GABRG3: variants seen among roughly 807,000 people sequenced by gnomAD.
GABRG3 encodes gamma-aminobutyric acid type A receptor subunit gamma3.
Under a neutral mutation model 48.8 loss-of-function variants are expected in GABRG3, and 25 were observed. That is an observed-to-expected ratio of 0.51 (90% CI 0.37 to 0.72). The LOEUF (loss-of-function observed/expected upper bound fraction) is 0.72. Ranked by LOEUF, GABRG3 falls within the 30% of genes least tolerant of loss-of-function variation. GABRG3 has a pLI of 0.00. For missense variants in GABRG3, 394 were observed against 577.9 expected (o/e 0.68, Z 3.26); for synonymous variants, 227 against 217.6 (o/e 1.04, Z -0.38).
At chr15:27,342,293 GAATT>G in intron 5 of GABRG3, among the ~76,000 whole-genome samples, 1 of 152,360 alleles carries the variant, frequency 6.6e-6, no homozygotes, top group Middle Eastern at 3.4e-3. Context: ...CTTAGGGAAA[GAATT>G]CAAATGCTGG....
At chr15:27,072,818 C>T (rs946325477) in intron 3 of GABRG3, among the ~76,000 whole-genome samples, 1 of 152,210 alleles carries the variant, frequency 6.6e-6, no homozygotes, top group Non-Finnish European at 1.5e-5. Flanking sequence ...ACTCACTCAA[C>T]TGCAAGACAG....
intron 3 of GABRG3, among the ~76,000 whole-genome samples, chr15:27,098,143 C>T (rs1897296577): frequency 6.6e-6 from 1 of 152,036 alleles, no homozygotes; most frequent in Non-Finnish European, 1.5e-5. Context: ...TTAAAAAATA[C>T]TGAATGTTGG....
intron 3 of GABRG3, chr15:27,295,058 T>G (rs2140488924): frequency 6.6e-6 from 1 of 152,162 alleles, no homozygotes. Flanking sequence ...TCACCCAATC[T>G]TGAGAAAATT....
chr15:26,984,984 G>T (rs2140641484), intron 2 of GABRG3, among the ~76,000 whole-genome samples: 1 of 152,296 alleles, frequency 6.6e-6, no homozygotes, highest in East Asian at 1.9e-4. Context: ...ATGGCTAGAG[G>T]GCTTCTTCAA....
At chr15:27,310,347 T>G (rs1892953342) in intron 3 of GABRG3, among the ~76,000 whole-genome samples, 1 of 152,162 alleles carries the variant, frequency 6.6e-6, no homozygotes, top group Admixed American at 6.6e-5. Context: ...ATGTATGATA[T>G]AAAAATAAAA....
chr15:27,369,909 T>G (rs1408857779), intron 5 of GABRG3, among the ~76,000 whole-genome samples: 1 of 151,878 alleles, frequency 6.6e-6, no homozygotes, highest in South Asian at 2.1e-4. Flanking sequence ...TTTTCTCACC[T>G]TGGGGAGGCT....
chr15:27,102,180 G>T (rs752731358), intron 3 of GABRG3, among the ~76,000 whole-genome samples: 2 of 152,184 alleles, frequency 1.3e-5, no homozygotes, highest in Non-Finnish European at 2.9e-5. Flanking sequence ...ACACACATGG[G>T]CTGCTGCCAA....
At chr15:27,232,560 G>T (rs971761830) in intron 3 of GABRG3, among the ~76,000 whole-genome samples, 2 of 152,178 alleles carry the variant, frequency 1.3e-5, no homozygotes, top group African/African-American at 2.4e-5. Context: ...GTGCCTTGGG[G>T]TAAATTGGGG....
chr15:27,487,190 T>G (rs551175747), intron 6 of GABRG3, among the ~76,000 whole-genome samples: 2 of 152,310 alleles, frequency 1.3e-5, no homozygotes, highest in East Asian at 3.9e-4. Context: ...CTCTTCTTGG[T>G]CTAATGAACT....
intron 2 of GABRG3, among the ~76,000 whole-genome samples, chr15:26,988,227 A>G (rs1250578148): frequency 6.6e-6 from 1 of 152,206 alleles, no homozygotes. Flanking sequence ...CTATTAATCA[A>G]GAGTGAAATC....
intron 3 of GABRG3, among the ~76,000 whole-genome samples, chr15:27,103,054 A>G (rs1660250247): frequency 6.6e-6 from 1 of 152,212 alleles, no homozygotes; most frequent in South Asian, 2.1e-4. Flanking sequence ...TTTGTGAATT[A>G]TGAAACTAGT....
chr15:27,337,625 C>T (rs1042994237), intron 5 of GABRG3, among the ~76,000 whole-genome samples: 5 of 152,114 alleles, frequency 3.3e-5, no homozygotes, highest in Non-Finnish European at 5.9e-5. Context: ...ATCTTCAAAA[C>T]CCTAGATTTT....
intron 3 of GABRG3, among the ~76,000 whole-genome samples, chr15:27,161,895 A>G (rs955556925): frequency 2.6e-5 from 4 of 152,204 alleles, no homozygotes; most frequent in African/African-American, 4.8e-5. Context: ...AACCTAATGC[A>G]GCTGCCATTA....
chr15:27,328,057 A>G (rs908785567), intron 4 of GABRG3, among the ~76,000 whole-genome samples: 3 of 151,796 alleles, frequency 2.0e-5, no homozygotes, highest in African/African-American at 7.3e-5. Flanking sequence ...ACAGCATTAA[A>G]GTTTCAGGGA....
chr15:27,532,750 A>G lies in GABRG3; in HGVS notation c.1273A>G (p.Lys425Glu), dbSNP rs76638728. 9.3e-4 allele frequency: 1,498 copies of G among 1,614,014 alleles called. No individual in the cohort carries two copies. Among genetic ancestry groups the G allele is most frequent in the Non-Finnish European group, 1.2e-3 (1,377 of 1,179,890 alleles). The change falls in exon 10 of 10, where the codon AAA becomes GAA. Residue 425 changes from lysine (K) to glutamate (E), a missense_variant. Coordinates refer to ENST00000615808, the MANE Select transcript of GABRG3 (RefSeq NM_033223.5). ...QSFFCCYEEC[K>E]SGSWRKGRIH... Reference sequence around the variant, plus strand: ...CTTCTTCTGCTGCTATGAAGAATGTAAATCAGGATCCTGGAGGAAAGGGCG... The same window carrying G: ...CTTCTTCTGCTGCTATGAAGAATGTGAATCAGGATCCTGGAGGAAAGGGCG...
At chr15:27,167,805 C>T (rs995559442) in intron 3 of GABRG3, among the ~76,000 whole-genome samples, 13 of 152,152 alleles carry the variant, frequency 8.5e-5, no homozygotes, top group Admixed American at 5.2e-4. Context: ...TGCGCTGCAT[C>T]GGCTGCCAGG....
At chr15:27,210,413 A>G (rs1889037041) in intron 3 of GABRG3, among the ~76,000 whole-genome samples, 3 of 152,150 alleles carry the variant, frequency 2.0e-5, no homozygotes, top group Admixed American at 2.0e-4. Flanking sequence ...ATATCCTGCT[A>G]TTGTCCTCCT....
chr15:27,249,181 C>T (rs917826771), intron 3 of GABRG3, among the ~76,000 whole-genome samples: 4 of 152,168 alleles, frequency 2.6e-5, no homozygotes, highest in African/African-American at 9.6e-5. Flanking sequence ...GAAGCTGCGT[C>T]CCGGCCACCC....
At chr15:27,354,199 G>A (rs150199468) in intron 5 of GABRG3, among the ~76,000 whole-genome samples, 9 of 152,294 alleles carry the variant, frequency 5.9e-5, no homozygotes, top group African/African-American at 2.2e-4. Flanking sequence ...AGCCCAGGTA[G>A]CATGGTGAGC....
Sources: gnomAD v4.1 joint callset for allele counts (sites outside exome capture counted in the v4.1 genomes callset) on GRCh38, gnomAD v4.1.1 for gene constraint, MANE v1.5 for transcripts, NCBI Gene and HGNC (gene_info 2026-07-23, HGNC 2026-07-21) for gene names.